Variants in CSGALNACT1 observed in about 807,000 individuals in gnomAD.
CSGALNACT1 encodes the protein beta4GalNAcT-1.
In CSGALNACT1, 52 loss-of-function variants were observed where a neutral mutation model predicts 51.0. The ratio of observed to expected loss-of-function variants is 1.02; its 90% confidence interval spans 0.82 to 1.29. CSGALNACT1 has a LOEUF of 1.29. Ranked by LOEUF, CSGALNACT1 falls within the 50% of genes most tolerant of loss-of-function variation. The pLI is 0.00. For synonymous variants in CSGALNACT1, 341 were observed against 254.4 expected (o/e 1.34, Z -3.24); for missense variants, 935 against 679.2 (o/e 1.38, Z -4.19).
intron 3 of CSGALNACT1, among the ~76,000 whole-genome samples, chr8:19,549,825 T>G (rs1588178050): frequency 2.0e-5 from 3 of 152,148 alleles, no homozygotes; most frequent in African/African-American, 7.2e-5. Context: ...GGCTTCAGAT[T>G]GGTGATCATG....
At chr8:19,636,230 T>C (rs186428451) in intron 1 of CSGALNACT1, among the ~76,000 whole-genome samples, 27 of 152,362 alleles carry the variant, frequency 1.8e-4, no homozygotes, top group African/African-American at 6.5e-4. Context: ...GTAACTTTTA[T>C]TACAGTATAT....
chr8:19,606,889 C>T (rs2051451064), upstream of CSGALNACT1, among the ~76,000 whole-genome samples: 1 of 152,154 alleles, frequency 6.6e-6, no homozygotes, highest in Non-Finnish European at 1.5e-5. Flanking sequence ...GGCACGGTGG[C>T]TCACACCTGT....
chr8:19,638,575 G>T (rs956241777), intron 1 of CSGALNACT1, among the ~76,000 whole-genome samples: 3 of 152,160 alleles, frequency 2.0e-5, no homozygotes, highest in Admixed American at 6.5e-5. Context: ...AAGGGGCAAA[G>T]AAATATTTAA....
At chr8:19,654,415 G>C (rs561404792) in intron 1 of CSGALNACT1, among the ~76,000 whole-genome samples, 1 of 152,154 alleles carries the variant, frequency 6.6e-6, no homozygotes, top group Admixed American at 6.5e-5. Context: ...AAAAGCTTTC[G>C]AATCAGGTGA....
At chr8:19,591,503 G>A (rs1564178336) in intron 2 of CSGALNACT1, among the ~76,000 whole-genome samples, 1 of 152,136 alleles carries the variant, frequency 6.6e-6, no homozygotes, top group Non-Finnish European at 1.5e-5. Context: ...TTATTCAACT[G>A]AAGTCCAACC....
At chr8:19,639,737 G>A (rs1387343585) in intron 1 of CSGALNACT1, among the ~76,000 whole-genome samples, 1 of 152,052 alleles carries the variant, frequency 6.6e-6, no homozygotes, top group Admixed American at 6.6e-5. Flanking sequence ...TCCACAACGT[G>A]CAACTGCTCT....
intron 8 of CSGALNACT1, among the ~76,000 whole-genome samples, chr8:19,417,720 C>T (rs573993585): frequency 6.6e-6 from 1 of 152,270 alleles, no homozygotes; most frequent in African/African-American, 2.4e-5. Context: ...ATGGGAAGGC[C>T]ACCATGAGAT....
At chr8:19,563,790 C>T (rs1010526728) in intron 3 of CSGALNACT1, among the ~76,000 whole-genome samples, 1 of 152,192 alleles carries the variant, frequency 6.6e-6, no homozygotes, top group African/African-American at 2.4e-5. Context: ...AATGTCTTCA[C>T]TAACTCCCAG....
chr8:19,557,782 T>C (rs1318698045), intron 3 of CSGALNACT1, among the ~76,000 whole-genome samples: 2 of 152,212 alleles, frequency 1.3e-5, no homozygotes, highest in Non-Finnish European at 2.9e-5. Context: ...AAGCTCTTTG[T>C]TTGTTGTCAA....
chr8:19,695,307 G>C (rs1463360102), intron 1 of CSGALNACT1, among the ~76,000 whole-genome samples: 2 of 152,012 alleles, frequency 1.3e-5, no homozygotes, highest in Non-Finnish European at 2.9e-5. Context: ...CTCATTTCTG[G>C]ATGGTTTCAT....
At chr8:19,547,538 T>A (rs1198705716) in intron 3 of CSGALNACT1, among the ~76,000 whole-genome samples, 1 of 152,196 alleles carries the variant, frequency 6.6e-6, no homozygotes, top group African/African-American at 2.4e-5. Flanking sequence ...CTCTCGTTTC[T>A]TTGCACTTGC....
At chr8:19,561,995 C>T (rs529234766) in intron 3 of CSGALNACT1, among the ~76,000 whole-genome samples, 2 of 152,156 alleles carry the variant, frequency 1.3e-5, no homozygotes, top group Non-Finnish European at 2.9e-5. Flanking sequence ...CTATCCTCCA[C>T]CGTGGCTTCC....
At chr8:19,603,307 G>C (rs2050842610), upstream of CSGALNACT1, among the ~76,000 whole-genome samples, 1 of 152,124 alleles carries the variant, frequency 6.6e-6, no homozygotes, top group African/African-American at 2.4e-5. Context: ...AGTGTGAGGT[G>C]TATCACTATA....
Position 19,505,864 on chromosome 8 carries a change from T to C in CSGALNACT1, c.-30A>G, listed in dbSNP as rs149177475. 8.1e-3 allele frequency: 12,931 copies of C among 1,604,244 alleles called. 76 individuals carry two copies. The highest frequency in any genetic ancestry group is 9.5e-3 in the Non-Finnish European group (11,178 of 1,179,912). On this transcript the variant is annotated 5_prime_UTR_variant, in exon 4 of 10. Transcript: ENST00000454498. ...GAATCAGCCATGCGTCCAGAACCGG[T>C]GGCATCCCTCAAAGCCGGGGCCCCC...
chr8:19,574,384 T>G (rs1035767117), intron 3 of CSGALNACT1, among the ~76,000 whole-genome samples: 3 of 152,318 alleles, frequency 2.0e-5, no homozygotes, highest in African/African-American at 7.2e-5. Context: ...TGCCATCCAT[T>G]TCCAGCCTCT....
At chr8:19,559,015 C>A (rs6986805) in intron 3 of CSGALNACT1, among the ~76,000 whole-genome samples, 1 of 151,864 alleles carries the variant, frequency 6.6e-6, no homozygotes, top group Admixed American at 6.5e-5. Context: ...CATAGGTAAA[C>A]AGTTCTATTT....
At chr8:19,566,404 GA>G (rs1289601634) in intron 3 of CSGALNACT1, among the ~76,000 whole-genome samples, 1 of 152,088 alleles carries the variant, frequency 6.6e-6, no homozygotes, top group Non-Finnish European at 1.5e-5. Flanking sequence ...AGAACCATGA[GA>G]AAATAAATTT....
At chr8:19,513,436 C>CTCTCTCTCTCTCTCTCTATA in intron 3 of CSGALNACT1, among the ~76,000 whole-genome samples, 6 of 81,980 alleles carry the variant, frequency 7.3e-5, no homozygotes, top group Admixed American at 5.2e-4. Context: ...CTCTCTCTCT[C>CTCTCTCTCTCTCTCTCTATA]TATATATATA....
chr8:19,644,404 C>CA (rs71545561), intron 1 of CSGALNACT1, among the ~76,000 whole-genome samples: 20,605 of 133,402 alleles, frequency 0.15, 1,601 homozygotes, highest in South Asian at 0.2. Flanking sequence ...CTTAACCTCT[C>CA]AAAAAAAAAA....
Sources: gnomAD v4.1 joint callset for allele counts (sites outside exome capture counted in the v4.1 genomes callset) on GRCh38, gnomAD v4.1.1 for gene constraint, MANE v1.5 for transcripts, NCBI Gene and HGNC (gene_info 2026-07-23, HGNC 2026-07-21) for gene names.